The following ZP3 variants were observed in gnomAD, a reference collection of about 807,000 sequenced individuals.
The protein encoded by ZP3 is zona pellucida glycoprotein 3.
A neutral mutation model predicts 35.6 loss-of-function variants in ZP3; 21 were observed. The observed-to-expected ratio is 0.59, with a 90% confidence interval of 0.42 to 0.85. The LOEUF (loss-of-function observed/expected upper bound fraction) is 0.85, where lower values mean the gene tolerates loss of function less well. ZP3 is among the 40% of genes least tolerant of loss of function. The pLI is 0.00. For missense variants in ZP3, 437 were observed against 536.5 expected (o/e 0.81, Z 1.83); for synonymous variants, 207 against 214.5 (o/e 0.96, Z 0.31).
chr7:76,433,111 T>C (rs1805879890), intron 3 of ZP3, 81 bp downstream of exon 3: 1 of 1,241,346 alleles, frequency 8.1e-7, no homozygotes, highest in Non-Finnish European at 1.1e-6. Context: ...TGTCTTTTTT[T>C]TGTTTGTTTG....
intron 2 of ZP3, among the ~76,000 whole-genome samples, chr7:76,430,904 A>C (rs1805807449): frequency 6.6e-6 from 1 of 152,154 alleles, no homozygotes; most frequent in African/African-American, 2.4e-5. Flanking sequence ...GTGGCCACAC[A>C]CCCAACGGGA....
chr7:76,418,622 CAAGGCGGGCAGA>C (rs112132288), intron 1 of ZP3, among the ~76,000 whole-genome samples: 7,915 of 147,446 alleles, frequency 0.054, 266 homozygotes, highest in East Asian at 0.13. Flanking sequence ...TTTGGGAGGC[CAAGGCGGGCAGA>C]TCACGAGGTC....
At position 76,429,653 on chromosome 7, in the gene ZP3, A is replaced by T; in HGVS notation, c.431+20A>T. 10 of 1,602,454 alleles carry T rather than the reference A, an allele frequency of 6.2e-6. No individual in the cohort carries two copies. Among genetic ancestry groups the T allele is most frequent in the Non-Finnish European group, 8.5e-6 (10 of 1,170,136 alleles). On this transcript the variant is annotated intron_variant, in intron 2 of 7. Coordinates refer to ENST00000394857, the MANE Select transcript of ZP3 (RefSeq NM_001110354.2). ...CCCCAGGTCGGTGTGGGACTGACTC[A>T]TGGCCCCTGGTGCAAAAGCCCCTTG...
chr7:76,430,977 T>A (rs1183331446), intron 2 of ZP3, among the ~76,000 whole-genome samples: 1 of 152,104 alleles, frequency 6.6e-6, no homozygotes, highest in Admixed American at 6.5e-5. Flanking sequence ...ACTGGGGTAA[T>A]GAGGGAGCCA....
intron 1 of ZP3, chr7:76,400,328 G>GTA: frequency 2.7e-6 from 4 of 1,503,002 alleles, no homozygotes; most frequent in Admixed American, 4.4e-5. Flanking sequence ...AAGCAATTGT[G>GTA]GACGCCCCAG....
chr7:76,416,045 G>T (rs1216967481), intron 1 of ZP3, among the ~76,000 whole-genome samples: 2 of 151,786 alleles, frequency 1.3e-5, no homozygotes, highest in Admixed American at 6.6e-5. Flanking sequence ...CATGAGAATC[G>T]CTTGAACCTG....
chr7:76,423,025 G>GAGAGAGAGAGAGAGAAAGAAAGAAAGAA, upstream of ZP3, among the ~76,000 whole-genome samples: 1 of 75,852 alleles, frequency 1.3e-5, no homozygotes, highest in East Asian at 3.5e-4. Context: ...GAGAGAGAGA[G>GAGAGAGAGAGAGAGAAAGAAAGAAAGAA]AGAAAGAAAG....
intron 1 of ZP3, among the ~76,000 whole-genome samples, chr7:76,409,927 G>A (rs917253914): frequency 6.6e-6 from 1 of 152,238 alleles, no homozygotes; most frequent in Admixed American, 6.5e-5. Context: ...TCAGCTGAGG[G>A]TTTGGAAATG....
chr7:76,410,699 G>T (rs1486296405), intron 1 of ZP3, among the ~76,000 whole-genome samples: 1 of 151,938 alleles, frequency 6.6e-6, no homozygotes, highest in Non-Finnish European at 1.5e-5. Flanking sequence ...CTTGGAAAAA[G>T]AAAGTACTAG....
At chr7:76,403,347 C>CTTTTTT (rs766899317) in intron 1 of ZP3, among the ~76,000 whole-genome samples, 1 of 149,528 alleles carries the variant, frequency 6.7e-6, no homozygotes. Flanking sequence ...GACTCCACTT[C>CTTTTTT]TTTTTTTTGA....
intron 5 of ZP3, among the ~76,000 whole-genome samples, chr7:76,438,003 TA>T (rs577263962): frequency 6.6e-6 from 1 of 152,256 alleles, no homozygotes; most frequent in African/African-American, 2.4e-5. Context: ...GGCTTGTTTC[TA>T]AAAGTCTGAA....
upstream of ZP3, among the ~76,000 whole-genome samples, chr7:76,421,439 A>C (rs1805502563): frequency 6.6e-6 from 1 of 151,888 alleles, no homozygotes; most frequent in South Asian, 2.1e-4. Context: ...GATTTTGTAG[A>C]GATGGGGCCT....
chr7:76,438,716 CTGGTGAGTCT>C (rs1806105104), intron 5 of ZP3, among the ~76,000 whole-genome samples: 1 of 143,132 alleles, frequency 7.0e-6, no homozygotes, highest in Non-Finnish European at 1.5e-5. Context: ...GGGTATCAGC[CTGGTGAGTCT>C]TCTGGTCGTC....
chr7:76,429,754 T>C (rs1417091566), intron 2 of ZP3, 121 bp downstream of exon 2: 3 of 837,462 alleles, frequency 3.6e-6, no homozygotes, highest in South Asian at 3.1e-5. Flanking sequence ...TACCGAAGCA[T>C]TTGCAGCTGT....
intron 5 of ZP3, among the ~76,000 whole-genome samples, chr7:76,436,031 T>A (rs1638144): frequency 5.8e-5 from 2 of 34,518 alleles, no homozygotes; most frequent in Non-Finnish European, 1.1e-4. Context: ...CCCCGCCCCC[T>A]TTTTTTTTTT....
chr7:76,428,039 T>C (rs1235724853), intron 1 of ZP3, among the ~76,000 whole-genome samples: 2 of 151,392 alleles, frequency 1.3e-5, no homozygotes, highest in Non-Finnish European at 2.9e-5. Context: ...GAATAGGTGG[T>C]TGGGGGTTGA....
At chr7:76,429,757 G>T (rs7782176) in intron 2 of ZP3, 124 bp downstream of exon 2, 2 of 826,618 alleles carry the variant, frequency 2.4e-6, no homozygotes, top group Non-Finnish European at 4.0e-6. Context: ...CGAAGCATTT[G>T]CAGCTGTGGT....
intron 1 of ZP3, among the ~76,000 whole-genome samples, chr7:76,406,595 C>T (rs1037462665): frequency 2.7e-5 from 4 of 150,720 alleles, no homozygotes; most frequent in Non-Finnish European, 5.9e-5. Flanking sequence ...AGGATCCTCC[C>T]GTCTCAGCCT....
chr7:76,425,393 T>A, intron 1 of ZP3, 117 bp downstream of exon 1: 1 of 1,149,340 alleles, frequency 8.7e-7, no homozygotes, highest in Non-Finnish European at 1.2e-6. Context: ...CACTTGTAGG[T>A]GGGGAGGTGG....
Sources: allele counts gnomAD v4.1 joint callset (sites outside exome capture counted in the v4.1 genomes callset), GRCh38; gene constraint gnomAD v4.1.1; transcripts MANE v1.5; gene names NCBI Gene and HGNC (gene_info 2026-07-23, HGNC 2026-07-21).